Variants in DLG2 observed in about 807,000 individuals in gnomAD.
DLG2 encodes the protein disks large homolog 2.
A neutral mutation model predicts 132.5 loss-of-function variants in DLG2; 45 were observed. The ratio of observed to expected loss-of-function variants is 0.34; its 90% CI spans 0.27 to 0.44. The LOEUF is 0.44. Ranked by LOEUF, DLG2 falls within the 20% of genes least tolerant of loss-of-function variation. The pLI is 1.00. For synonymous variants in DLG2, 424 were observed against 419.6 expected (o/e 1.01, Z -0.13); for missense variants, 1,045 against 1,196.9 (o/e 0.87, Z 1.87).
chr11:84,361,930 C>T (rs542468708), intron 7 of DLG2, among the ~76,000 whole-genome samples: 1 of 151,834 alleles, frequency 6.6e-6, no homozygotes, highest in South Asian at 2.1e-4. Flanking sequence ...AATAGTTGAT[C>T]TAAAATGGAA....
At chr11:85,520,601 A>T (rs565940149) in intron 3 of DLG2, among the ~76,000 whole-genome samples, 4 of 152,152 alleles carry the variant, frequency 2.6e-5, no homozygotes, top group Admixed American at 2.0e-4. Flanking sequence ...ACATTACTTG[A>T]CTTCAAGGTA....
intron 24 of DLG2, among the ~76,000 whole-genome samples, chr11:83,471,210 T>G (rs1320078494): frequency 6.6e-6 from 1 of 152,132 alleles, no homozygotes; most frequent in Admixed American, 6.6e-5. Flanking sequence ...GATTGACATA[T>G]GGCCCTAAGT....
intron 11 of DLG2, among the ~76,000 whole-genome samples, chr11:84,024,396 C>T (rs912732206): frequency 2.6e-5 from 4 of 152,090 alleles, no homozygotes; most frequent in African/African-American, 9.7e-5. Context: ...TCATATGATC[C>T]AGCAGTCTCA....
At chr11:83,954,896 A>G (rs1053278251) in intron 14 of DLG2, among the ~76,000 whole-genome samples, 1 of 152,246 alleles carries the variant, frequency 6.6e-6, no homozygotes, top group Non-Finnish European at 1.5e-5. Flanking sequence ...GTCAGACTAT[A>G]TGACTCTCTG....
intron 14 of DLG2, among the ~76,000 whole-genome samples, chr11:83,944,010 T>G (rs555198969): frequency 6.6e-6 from 1 of 152,194 alleles, no homozygotes; most frequent in African/African-American, 2.4e-5. Flanking sequence ...TGGTACATAC[T>G]CAGGAAACAA....
At chr11:85,319,690 A>G (rs2080920747) in intron 3 of DLG2, among the ~76,000 whole-genome samples, 1 of 151,882 alleles carries the variant, frequency 6.6e-6, no homozygotes, top group Non-Finnish European at 1.5e-5. Flanking sequence ...CCAGCCTGCC[A>G]AGACAGGTCA....
intron 7 of DLG2, among the ~76,000 whole-genome samples, chr11:84,275,156 C>T (rs565242219): frequency 1.1e-4 from 16 of 152,320 alleles, no homozygotes; most frequent in African/African-American, 3.8e-4. Flanking sequence ...TTCCAACCTC[C>T]TGTTTATCAG....
At chr11:83,511,210 C>T (rs1299450697) in intron 21 of DLG2, among the ~76,000 whole-genome samples, 1 of 151,956 alleles carries the variant, frequency 6.6e-6, no homozygotes, top group Non-Finnish European at 1.5e-5. Context: ...TTACTGTAAA[C>T]CAATTGTCAC....
intron 6 of DLG2, among the ~76,000 whole-genome samples, chr11:84,899,370 AC>A (rs752830141): frequency 1.8e-4 from 27 of 152,092 alleles, no homozygotes; most frequent in South Asian, 4.1e-4. Flanking sequence ...AATTATTTCA[AC>A]ACTGTTGCCT....
intron 9 of DLG2, among the ~76,000 whole-genome samples, chr11:84,100,438 C>A (rs1477381044): frequency 6.6e-6 from 1 of 151,110 alleles, no homozygotes; most frequent in African/African-American, 2.4e-5. Context: ...CCTTTACTCC[C>A]CATCTCCCAT....
chr11:83,473,079 A>C (rs2092263276), intron 22 of DLG2, among the ~76,000 whole-genome samples: 1 of 152,146 alleles, frequency 6.6e-6, no homozygotes, highest in Admixed American at 6.6e-5. Flanking sequence ...TACACCAAGC[A>C]TTACTACTTA....
chr11:85,083,135 T>C (rs1002976610), intron 6 of DLG2, among the ~76,000 whole-genome samples: 2 of 152,100 alleles, frequency 1.3e-5, no homozygotes, highest in Admixed American at 6.5e-5. Context: ...CCCTCCATAA[T>C]CATGGAAGCA....
chr11:84,156,355 T>C (rs1341808448), intron 9 of DLG2, among the ~76,000 whole-genome samples: 1 of 152,194 alleles, frequency 6.6e-6, no homozygotes, highest in Non-Finnish European at 1.5e-5. Context: ...CCAACATGAT[T>C]TGTATCAAGA....
chr11:84,897,148 AT>A (rs2090315702), intron 6 of DLG2, among the ~76,000 whole-genome samples: 1 of 148,328 alleles, frequency 6.7e-6, no homozygotes, highest in Non-Finnish European at 1.5e-5. Context: ...TTACATATAT[AT>A]ATATATATAC....
At chr11:84,438,456 C>G (rs1452353916) in intron 7 of DLG2, among the ~76,000 whole-genome samples, 1 of 150,778 alleles carries the variant, frequency 6.6e-6, no homozygotes, top group Non-Finnish European at 1.5e-5. Context: ...GAGCAAACTA[C>G]TCTTTTTAAA....
chr11:85,107,894 G>A (rs1367438711), intron 6 of DLG2, among the ~76,000 whole-genome samples: 1 of 115,718 alleles, frequency 8.6e-6, no homozygotes, highest in Non-Finnish European at 1.6e-5. Flanking sequence ...ACCCCAATCT[G>A]TACATTATAG....
intron 7 of DLG2, among the ~76,000 whole-genome samples, chr11:84,477,521 A>G (rs1321673411): frequency 6.6e-6 from 1 of 152,046 alleles, no homozygotes; most frequent in Non-Finnish European, 1.5e-5. Context: ...ATAAATAATG[A>G]TGGCAACTTC....
At chr11:84,248,773 A>G (rs1344365382) in intron 8 of DLG2, among the ~76,000 whole-genome samples, 8 of 152,216 alleles carry the variant, frequency 5.3e-5, no homozygotes, top group Admixed American at 4.6e-4. Flanking sequence ...AGGCTGAGGC[A>G]AGAGAGTCAC....
chr11:84,652,931 G>GT (rs1565567492), intron 6 of DLG2, among the ~76,000 whole-genome samples: 54 of 149,388 alleles, frequency 3.6e-4, no homozygotes, highest in African/African-American at 1.3e-3. Flanking sequence ...CAATATTGGA[G>GT]GTTTTTTTTT....
Sources: gnomAD v4.1 joint callset for allele counts (sites outside exome capture counted in the v4.1 genomes callset) on GRCh38, gnomAD v4.1.1 for gene constraint, MANE v1.5 for transcripts, NCBI Gene and HGNC (gene_info 2026-07-23, HGNC 2026-07-21) for gene names.